Variants in MYO10 observed in about 807,000 individuals in gnomAD.
The protein encoded by MYO10 is myosin X.
A neutral mutation model predicts 257.3 loss-of-function variants in MYO10; 133 were observed. The observed-to-expected ratio is 0.52, with a 90% CI of 0.45 to 0.60. MYO10 has a LOEUF of 0.60. Among genes scored for constraint, MYO10 ranks in the 20% least tolerant of loss-of-function variants. The pLI is 0.00. For missense variants in MYO10, 2,399 were observed against 2,635.7 expected, an observed-to-expected ratio of 0.91 and a Z score of 1.97; for synonymous variants, 1,104 against 1,028.6, an observed-to-expected ratio of 1.07 and a Z score of -1.40.
chr5:16,720,660 G>C (rs148322049), intron 19 of MYO10, among the ~76,000 whole-genome samples: 1 of 152,012 alleles, frequency 6.6e-6, no homozygotes, highest in South Asian at 2.1e-4. Context: ...GGATTTCACC[G>C]TGTTAGCCAG....
chr5:16,876,453 C>T (rs1488464844), intron 2 of MYO10, among the ~76,000 whole-genome samples: 1 of 152,154 alleles, frequency 6.6e-6, no homozygotes, highest in Non-Finnish European at 1.5e-5. Context: ...GATAAATAGG[C>T]TCAGCTTCAG....
chr5:16,681,985 T>C lies in MYO10; in HGVS notation c.4075A>G (p.Asn1359Asp), dbSNP rs200310876. Residue 1359 changes from asparagine to aspartate, a missense_variant, in exon 31 of 41, where the codon AAC (asparagine) becomes GAC (aspartate). Coordinates refer to ENST00000513610, the MANE Select transcript of MYO10 (RefSeq NM_012334.3). ...TCGGCGTTGCAGTGCAGCACCCGGT[T>C]GGCCGTGATGATCACAAACGAGTTG... ...RPNSFVIITANRVLHCNADTP... is the reference protein window; with the variant it reads ...RPNSFVIITADRVLHCNADTP... The C allele has an allele frequency of 8.7e-6, 14 of 1,613,766 alleles. No homozygotes were observed. The highest frequency in any genetic ancestry group is 1.2e-5 in the Non-Finnish European group (14 of 1,179,886).
intron 39 of MYO10, 116 bp downstream of exon 39, chr5:16,670,409 AG>A: frequency 1.1e-6 from 1 of 878,806 alleles, no homozygotes; most frequent in Non-Finnish European, 1.7e-6. Context: ...CTCGAATAAA[AG>A]AGGTTGAGAG....
chr5:16,759,568 C>T (rs1175675072), intron 17 of MYO10, among the ~76,000 whole-genome samples: 1 of 152,108 alleles, frequency 6.6e-6, no homozygotes, highest in Non-Finnish European at 1.5e-5. Flanking sequence ...CAAGGGGAAA[C>T]CTGGGGTTGA....
intron 2 of MYO10, among the ~76,000 whole-genome samples, chr5:16,839,321 T>C (rs182928093): frequency 6.6e-6 from 1 of 152,150 alleles, no homozygotes; most frequent in South Asian, 2.1e-4. Flanking sequence ...CCAACCCTCA[T>C]GTATGACATT....
chr5:16,847,480 C>T (rs192377738), intron 2 of MYO10, among the ~76,000 whole-genome samples: 116 of 152,100 alleles, frequency 7.6e-4, no homozygotes, highest in Admixed American at 9.8e-4. Flanking sequence ...CACCTGCAGT[C>T]CCAGCACTTT....
chr5:16,726,269 G>C (rs1448078725), intron 19 of MYO10, among the ~76,000 whole-genome samples: 1 of 152,182 alleles, frequency 6.6e-6, no homozygotes, highest in Non-Finnish European at 1.5e-5. Context: ...TGGTTTGTAT[G>C]TATGGATCTC....
Position 16,907,998 on chromosome 5 carries a change from C to A in MYO10, c.21+27790G>T, listed in dbSNP as rs867166157. Among the ~76,000 whole-genome samples the A allele has an allele frequency of 7.2e-5, 11 of 152,302 alleles. No individual in the cohort carries two copies. The South Asian group carries it at 2.3e-3, about 32-fold the overall frequency. On this transcript the variant is annotated intron_variant, in intron 1 of 40. Coordinates refer to ENST00000513610, the MANE Select transcript of MYO10 (RefSeq NM_012334.3). ...CTGTAATCCCAACACTTTGGGAGGC[C>A]AAGGCAGGTGGATCACTTGAGGTAA...
At chr5:16,909,661 A>G (rs1343374698) in intron 1 of MYO10, among the ~76,000 whole-genome samples, 1 of 152,080 alleles carries the variant, frequency 6.6e-6, no homozygotes, top group Non-Finnish European at 1.5e-5. Flanking sequence ...ATTCAAGATG[A>G]GATTTGGGTT....
At chr5:16,799,282 C>G (rs181175265) in intron 3 of MYO10, among the ~76,000 whole-genome samples, 10 of 152,070 alleles carry the variant, frequency 6.6e-5, no homozygotes, top group African/African-American at 2.4e-4. Context: ...TGGCATTAAG[C>G]CTGTTAGCAA....
intron 2 of MYO10, among the ~76,000 whole-genome samples, chr5:16,821,591 C>G (rs979784455): frequency 2.6e-5 from 4 of 151,346 alleles, no homozygotes; most frequent in Admixed American, 6.6e-5. Flanking sequence ...ATCAGCCTCC[C>G]GAGTAGCTGG....
Position 16,819,785 on chromosome 5 carries a change from T to C in MYO10, c.121-1618A>G, listed in dbSNP as rs143242006. ...AAGAAATGCAAAAGTACCAATCCAA[T>C]GGTTTTTTTTCATGAGCCATGACAA... On this transcript the variant is annotated intron_variant, in intron 2 of 40. Coordinates refer to ENST00000513610, the MANE Select transcript of MYO10 (RefSeq NM_012334.3). Among the ~76,000 whole-genome samples, 356 of 152,318 alleles carry C rather than the reference T, an allele frequency of 2.3e-3. 1 individual carries two copies. Among genetic ancestry groups the C allele is most frequent in the African/African-American group, 8.3e-3 (344 of 41,568 alleles).
intron 26 of MYO10, 83 bp downstream of exon 26, chr5:16,699,367 T>C: frequency 2.0e-6 from 3 of 1,521,550 alleles, no homozygotes; most frequent in Non-Finnish European, 2.7e-6. Flanking sequence ...ACCTCCGTTA[T>C]TTCCCACCGC....
intron 1 of MYO10, among the ~76,000 whole-genome samples, chr5:16,888,660 T>C (rs1164119670): frequency 6.6e-6 from 1 of 151,768 alleles, no homozygotes; most frequent in African/African-American, 2.4e-5. Context: ...GAGGATCCCT[T>C]GAGCCCAGAT....
At chr5:16,680,166 G>A in intron 32 of MYO10, 62 bp from the exon 33 acceptor site, 1 of 1,553,100 alleles carries the variant, frequency 6.4e-7, no homozygotes. Flanking sequence ...CTGAGGCAAT[G>A]CCTGTGTCCT....
At chr5:16,849,163 A>T (rs1454219228) in intron 2 of MYO10, among the ~76,000 whole-genome samples, 1 of 152,200 alleles carries the variant, frequency 6.6e-6, no homozygotes, top group Non-Finnish European at 1.5e-5. Context: ...TTCCTATTTG[A>T]TAACTGAAAA....
intron 3 of MYO10, among the ~76,000 whole-genome samples, chr5:16,812,928 T>TTA (rs199684224): frequency 0.06 from 5,766 of 95,378 alleles, 350 homozygotes; most frequent in African/African-American, 0.22. Flanking sequence ...GTGCTTTTAT[T>TTA]TTTTTTTTTT....
chr5:16,814,211 G>A (rs1395233569), intron 3 of MYO10, among the ~76,000 whole-genome samples: 5 of 152,150 alleles, frequency 3.3e-5, no homozygotes, highest in African/African-American at 7.2e-5. Context: ...GCGCGATCTC[G>A]GCTCACTGCA....
Position 16,724,239 on chromosome 5 carries a change from C to T in MYO10, c.1930-12994G>A, listed in dbSNP as rs372301693. Among the ~76,000 whole-genome samples, 28 of 152,288 alleles carry T rather than the reference C, an allele frequency of 1.8e-4. No homozygotes were observed. The South Asian group carries it at 5.6e-3, about 30-fold the overall frequency. On this transcript the variant is annotated intron_variant, in intron 19 of 40. Coordinates refer to ENST00000513610, the MANE Select transcript of MYO10 (RefSeq NM_012334.3). The stretch of plus-strand genomic sequence containing the variant: ...TAAAGAACTGCATTTCAGCTCTGTA[C>T]TATAGTTGATAAAGTTGTTTTCCCC...
Sources: allele counts gnomAD v4.1 joint callset (sites outside exome capture counted in the v4.1 genomes callset), GRCh38; gene constraint gnomAD v4.1.1; transcripts MANE v1.5; gene names NCBI Gene and HGNC (gene_info 2026-07-23, HGNC 2026-07-21).